The following EMCN variants were observed in gnomAD, a reference collection of about 807,000 sequenced individuals.
The protein encoded by EMCN is endomucin.
A neutral mutation model predicts 38.4 loss-of-function variants in EMCN; 37 were observed. That is an observed-to-expected ratio of 0.96 (90% confidence interval 0.74 to 1.27). EMCN has a LOEUF of 1.27. EMCN is among the 50% of genes most tolerant of loss of function. The pLI is 0.00. For synonymous variants in EMCN, 95 were observed against 100.8 expected (o/e 0.94, Z 0.35); for missense variants, 318 against 302.8 (o/e 1.05, Z -0.37).
chr4:100,456,587 A>G (rs958629265), intron 4 of EMCN, among the ~76,000 whole-genome samples: 1 of 152,144 alleles, frequency 6.6e-6, no homozygotes, highest in Non-Finnish European at 1.5e-5. Flanking sequence ...TTTGACACAT[A>G]AGTTACTGTA....
At chr4:100,504,359 C>T (rs757575815) in intron 1 of EMCN, among the ~76,000 whole-genome samples, 3 of 152,146 alleles carry the variant, frequency 2.0e-5, no homozygotes, top group African/African-American at 4.8e-5. Flanking sequence ...GCCTTGTGGG[C>T]GGCAAGCCAT....
intron 5 of EMCN, among the ~76,000 whole-genome samples, chr4:100,427,808 C>A (rs1041293576): frequency 6.6e-6 from 1 of 152,120 alleles, no homozygotes; most frequent in African/African-American, 2.4e-5. Context: ...ACATTTTAAA[C>A]CCAACATGTC....
intron 11 of EMCN, among the ~76,000 whole-genome samples, chr4:100,408,240 G>A (rs1225053436): frequency 6.6e-6 from 1 of 152,150 alleles, no homozygotes; most frequent in Non-Finnish European, 1.5e-5. Context: ...ATTTTATTCT[G>A]GTTAAGAATC....
chr4:100,402,023 C>T (rs935288995), intron 11 of EMCN, among the ~76,000 whole-genome samples: 8 of 151,978 alleles, frequency 5.3e-5, no homozygotes, highest in African/African-American at 1.9e-4. Context: ...AAAATTATTT[C>T]GAGAATTATT....
intron 5 of EMCN, among the ~76,000 whole-genome samples, chr4:100,426,338 G>A (rs1335057304): frequency 2.6e-5 from 4 of 152,032 alleles, no homozygotes; most frequent in South Asian, 2.1e-4. Context: ...TATTAAGGCC[G>A]GCTTGTCCTG....
At chr4:100,499,777 T>C (rs963727295) in intron 1 of EMCN, among the ~76,000 whole-genome samples, 2 of 152,160 alleles carry the variant, frequency 1.3e-5, no homozygotes, top group African/African-American at 4.8e-5. Context: ...TCAATTAGTG[T>C]ATAACTAATT....
At position 100,397,945 on chromosome 4, in the gene EMCN, AC is replaced by A. The variant is rs901735576; in HGVS notation, c.*467del. On this transcript the variant is annotated 3_prime_UTR_variant, in exon 12 of 12. Transcript: ENST00000296420. ...CCTAATATTTAATAATACACGTGCA[AC>A]TTTTCCCTGCATTAACATAGTGGTA... is the stretch of plus-strand genomic sequence containing the variant. 3.3e-5 allele frequency: 5 copies of A among 152,266 alleles called. No individual in the cohort carries two copies. The highest frequency in any genetic ancestry group is 3.9e-4 in the East Asian group (2 of 5,188). The allele number at this position is 152,266 out of a possible 1,614,324, so 9.4% of individuals were successfully genotyped here.
In EMCN at chr4:100,415,880, A is replaced by C; in HGVS notation, c.751+18T>G. ...AAAATAACTAATTTTCATCTAATCAACTTGTCTGGAAACTTACCAGACTCA... is the reference window on the plus strand; with the variant it reads ...AAAATAACTAATTTTCATCTAATCACCTTGTCTGGAAACTTACCAGACTCA... On this transcript the variant is annotated intron_variant, in intron 10 of 11. Coordinates refer to ENST00000296420, the MANE Select transcript of EMCN (RefSeq NM_016242.4). The C allele has an allele frequency of 6.5e-7, 1 of 1,545,800 alleles. No individual in the cohort carries two copies. The highest frequency in any genetic ancestry group is 1.2e-5 in the South Asian group (1 of 82,374).
At chr4:100,455,967 G>T (rs1052356938) in intron 4 of EMCN, among the ~76,000 whole-genome samples, 10 of 151,920 alleles carry the variant, frequency 6.6e-5, no homozygotes, top group Admixed American at 2.0e-4. Flanking sequence ...TCTAATTTTT[G>T]TATTTTTTGT....
chr4:100,445,084 G>A (rs1185258894), intron 5 of EMCN, among the ~76,000 whole-genome samples: 1 of 152,090 alleles, frequency 6.6e-6, no homozygotes, highest in Non-Finnish European at 1.5e-5. Flanking sequence ...TTTCCTATGT[G>A]GCCATCCTGT....
chr4:100,418,535 TC>T (rs1403349277), intron 8 of EMCN, among the ~76,000 whole-genome samples: 1 of 152,044 alleles, frequency 6.6e-6, no homozygotes, highest in Non-Finnish European at 1.5e-5. Context: ...CATCTCCACT[TC>T]CCCTCCACTA....
intron 3 of EMCN, among the ~76,000 whole-genome samples, chr4:100,466,054 A>G (rs765308337): frequency 4.0e-5 from 6 of 151,884 alleles, no homozygotes; most frequent in Non-Finnish European, 7.4e-5. Flanking sequence ...AATTGGACAT[A>G]AATGGAATAC....
At chr4:100,416,078 G>A (rs1578397313) in intron 9 of EMCN, 119 bp from the exon 10 acceptor site, 1 of 556,024 alleles carries the variant, frequency 1.8e-6, no homozygotes, top group South Asian at 2.5e-5. Flanking sequence ...TATAATGTGT[G>A]TGTATATATA....
At chr4:100,420,579 A>G (rs983390231) in intron 8 of EMCN, among the ~76,000 whole-genome samples, 11 of 152,006 alleles carry the variant, frequency 7.2e-5, no homozygotes, top group Admixed American at 2.0e-4. Context: ...AGGTTGAGTA[A>G]AGAAGAGGCA....
At chr4:100,496,076 T>G (rs1729198992) in intron 1 of EMCN, among the ~76,000 whole-genome samples, 1 of 152,234 alleles carries the variant, frequency 6.6e-6, no homozygotes, top group South Asian at 2.1e-4. Context: ...ACACTTTTGC[T>G]CTTTTGTGAC....
intron 10 of EMCN, 73 bp downstream of exon 10, chr4:100,415,825 G>T: frequency 9.7e-7 from 1 of 1,025,934 alleles, no homozygotes; most frequent in South Asian, 1.5e-5. Context: ...TGTTTCACAT[G>T]AACAAAATCC....
intron 11 of EMCN, among the ~76,000 whole-genome samples, chr4:100,402,337 G>A (rs553364474): frequency 2.2e-4 from 34 of 152,228 alleles, no homozygotes; most frequent in African/African-American, 8.2e-4. Context: ...CATAGGTGAT[G>A]ATTTCTGTAT....
intron 5 of EMCN, among the ~76,000 whole-genome samples, chr4:100,433,391 G>T (rs1159106785): frequency 6.6e-6 from 1 of 151,972 alleles, no homozygotes; most frequent in East Asian, 1.9e-4. Flanking sequence ...CTACGTCTTG[G>T]CTGTCATGAA....
At position 100,475,067 on chromosome 4, in the gene EMCN, GT is replaced by G; in HGVS notation, c.229del (p.Thr77GlnfsTer5). Reference sequence around the variant, plus strand: ...ATCTTTACTTGTTAAAAAAGTAGCTGTTGACATCAGAGACATTTTAAGTAAT... The same window carrying G: ...ATCTTTACTTGTTAAAAAAGTAGCTGTGACATCAGAGACATTTTAAGTAAT... ...NELLKMSLMS[T>X]ATFLTSKDEG... On this transcript the variant is annotated frameshift_variant, in exon 3 of 12. Transcript: ENST00000296420. LOFTEE classifies it high-confidence loss of function. The G allele has an allele frequency of 6.5e-7, 1 of 1,539,702 alleles. No homozygotes were observed. Among genetic ancestry groups the G allele is most frequent in the South Asian group, 1.3e-5 (1 of 77,268 alleles).
Sources: allele counts gnomAD v4.1 joint callset (sites outside exome capture counted in the v4.1 genomes callset), GRCh38; gene constraint gnomAD v4.1.1; transcripts MANE v1.5; gene names NCBI Gene and HGNC (gene_info 2026-07-23, HGNC 2026-07-21).